Variants in MAST4 observed in about 807,000 individuals in gnomAD.
MAST4 encodes the protein microtubule-associated serine/threonine-protein kinase 4.
A neutral mutation model predicts 162.7 loss-of-function variants in MAST4; 89 were observed. That is an observed-to-expected ratio of 0.55 (90% CI 0.46 to 0.65). MAST4 has a LOEUF of 0.65. Among genes scored for constraint, MAST4 ranks in the 30% least tolerant of loss-of-function variants. MAST4 has a pLI of 0.00. For synonymous variants in MAST4, 1,479 were observed against 1,361.1 expected (o/e 1.09, Z -1.91); for missense variants, 3,153 against 3,374.0 (o/e 0.93, Z 1.62).
rs568362128 is a variant in MAST4 at position 67,105,396 on chromosome 5, CTCTA to C, written c.1356+828_1356+831del. 4.7e-3 allele frequency among the ~76,000 whole-genome samples: 713 copies of C among 152,268 alleles called. 8 individuals are homozygous for C. The highest frequency in any genetic ancestry group is 0.016 in the African/African-American group (664 of 41,558). ...ATATTAGCATCCTAATTTTTGAGAA[CTCTA>C]TCTATCCTTGCCCCTGCAGAATTTA... On this transcript the variant is annotated intron_variant, in intron 10 of 28. Coordinates refer to ENST00000403625, the MANE Select transcript of MAST4 (RefSeq NM_001164664.2).
At chr5:66,817,447 A>G (rs577623991) in intron 3 of MAST4, among the ~76,000 whole-genome samples, 8 of 152,338 alleles carry the variant, frequency 5.3e-5, no homozygotes, top group African/African-American at 1.9e-4. Context: ...CACAAAAGCC[A>G]GCTTTAGATA....
At chr5:67,058,257 T>C (rs1057490566) in intron 5 of MAST4, among the ~76,000 whole-genome samples, 4 of 152,182 alleles carry the variant, frequency 2.6e-5, no homozygotes, top group Non-Finnish European at 5.9e-5. Context: ...CAAAAACCTT[T>C]TTTAATTGAT....
At chr5:66,751,938 C>T (rs1250757830) in intron 1 of MAST4, among the ~76,000 whole-genome samples, 1 of 150,920 alleles carries the variant, frequency 6.6e-6, no homozygotes, top group East Asian at 1.9e-4. Context: ...AGACTAACAG[C>T]GGATCTCTGG....
chr5:66,871,717 C>T (rs7701449), intron 3 of MAST4, among the ~76,000 whole-genome samples: 3,044 of 152,262 alleles, frequency 0.02, 90 homozygotes, highest in African/African-American at 0.068. Flanking sequence ...ACGACAGTTC[C>T]ACTCCAGGTC....
intron 3 of MAST4, among the ~76,000 whole-genome samples, chr5:66,836,522 A>G (rs886398246): frequency 6.6e-6 from 1 of 152,306 alleles, no homozygotes; most frequent in East Asian, 1.9e-4. Flanking sequence ...TATTTATGAT[A>G]GCAATGACAT....
chr5:67,162,321 A>C (rs1773275671), intron 27 of MAST4, among the ~76,000 whole-genome samples: 1 of 152,204 alleles, frequency 6.6e-6, no homozygotes, highest in South Asian at 2.1e-4. Context: ...CATATACCTA[A>C]CAAGTAAATG....
At chr5:67,083,574 C>A (rs1762902832) in intron 5 of MAST4, among the ~76,000 whole-genome samples, 1 of 151,926 alleles carries the variant, frequency 6.6e-6, no homozygotes, top group African/African-American at 2.4e-5. Context: ...AGGGGGAATT[C>A]TTTGTATCTA....
At chr5:66,772,453 A>G (rs1039631221) in intron 2 of MAST4, among the ~76,000 whole-genome samples, 2 of 152,122 alleles carry the variant, frequency 1.3e-5, no homozygotes, top group African/African-American at 4.8e-5. Context: ...CTTATTTCAT[A>G]CAGTCAAACT....
At chr5:66,971,529 A>G (rs1168240143) in intron 4 of MAST4, among the ~76,000 whole-genome samples, 2 of 152,188 alleles carry the variant, frequency 1.3e-5, no homozygotes, top group East Asian at 1.9e-4. Context: ...CACTTTCTTG[A>G]TACTATCTAC....
At chr5:66,667,207 T>C (rs1270048034) in intron 1 of MAST4, among the ~76,000 whole-genome samples, 2 of 152,128 alleles carry the variant, frequency 1.3e-5, no homozygotes, top group African/African-American at 4.8e-5. Context: ...GAGTTATATA[T>C]CTAGTCTCTC....
intron 14 of MAST4, among the ~76,000 whole-genome samples, chr5:67,121,528 A>G (rs1247568539): frequency 1.3e-5 from 2 of 151,852 alleles, no homozygotes; most frequent in Admixed American, 1.3e-4. Flanking sequence ...TGACCAGCAG[A>G]CAACCTTAAG....
chr5:67,012,493 C>T (rs1752810960), intron 4 of MAST4, among the ~76,000 whole-genome samples: 1 of 152,144 alleles, frequency 6.6e-6, no homozygotes, highest in Non-Finnish European at 1.5e-5. Flanking sequence ...TTGGGAGTGA[C>T]ATCATGGTAA....
At chr5:66,763,851 T>C (rs1364151273) in intron 2 of MAST4, among the ~76,000 whole-genome samples, 1 of 152,224 alleles carries the variant, frequency 6.6e-6, no homozygotes, top group Non-Finnish European at 1.5e-5. Flanking sequence ...TTTATCTGGA[T>C]GTAACCCCAC....
At chr5:67,128,474 A>G (rs923634735) in intron 14 of MAST4, among the ~76,000 whole-genome samples, 1 of 152,348 alleles carries the variant, frequency 6.6e-6, no homozygotes, top group East Asian at 1.9e-4. Flanking sequence ...GAAGAAAAAT[A>G]TGAGCAAAGC....
rs187839897 is a variant in MAST4 at position 66,597,782 on chromosome 5, C to A, written c.363+764C>A. Among the ~76,000 whole-genome samples, 305 of 152,298 alleles carry A rather than the reference C, an allele frequency of 2.0e-3. 1 individual carries two copies. Among genetic ancestry groups the A allele is most frequent in the Non-Finnish European group, 2.9e-3 (198 of 68,024 alleles). ...CCAGAACTTGTGGGTCGCTTCCTGA[C>A]ACACTGAGCATAGGACTCTGGTGTC... On this transcript the variant is annotated intron_variant, in intron 1 of 28. Transcript: ENST00000403625.
intron 1 of MAST4, among the ~76,000 whole-genome samples, chr5:66,637,443 C>G (rs1269139616): frequency 6.6e-6 from 1 of 151,964 alleles, no homozygotes; most frequent in Non-Finnish European, 1.5e-5. Context: ...GTATTTTTCT[C>G]ATGTTTGTGG....
chr5:66,790,479 A>G (rs1286806259), intron 3 of MAST4, among the ~76,000 whole-genome samples: 3 of 152,252 alleles, frequency 2.0e-5, no homozygotes, highest in Non-Finnish European at 4.4e-5. Context: ...TTATGACTTC[A>G]AAATTGACTA....
At chr5:66,874,000 AT>A (rs1010993123) in intron 3 of MAST4, among the ~76,000 whole-genome samples, 2 of 152,068 alleles carry the variant, frequency 1.3e-5, no homozygotes, top group Admixed American at 6.6e-5. Flanking sequence ...TTTTAGCCTG[AT>A]TTTTTTCTTT....
rs376316234 is a variant in MAST4 at position 66,995,920 on chromosome 5, T to TA, written c.675-58477dup. 5.1e-4 allele frequency among the ~76,000 whole-genome samples: 75 copies of TA among 146,498 alleles called. 2 individuals are homozygous for TA. Among genetic ancestry groups the TA allele is most frequent in the African/African-American group, 1.8e-3 (65 of 36,766 alleles). On this transcript the variant is annotated intron_variant, in intron 4 of 28. Coordinates refer to ENST00000403625, the MANE Select transcript of MAST4 (RefSeq NM_001164664.2). ...ACACACACACACACACACAAACTTGTAAAAAAACATGAGAAGTATAAAAGA... is the reference window on the plus strand; with the variant it reads ...ACACACACACACACACACAAACTTGTAAAAAAAACATGAGAAGTATAAAAGA...
Sources: allele counts gnomAD v4.1 joint callset (sites outside exome capture counted in the v4.1 genomes callset), GRCh38; gene constraint gnomAD v4.1.1; transcripts MANE v1.5; gene names NCBI Gene and HGNC (gene_info 2026-07-23, HGNC 2026-07-21).